Variants in FLT4 observed in about 807,000 individuals in gnomAD.
FLT4 encodes the protein vascular endothelial growth factor receptor 3.
A neutral mutation model predicts 163.2 loss-of-function variants in FLT4; 30 were observed. The observed-to-expected ratio is 0.18, with a 90% CI of 0.14 to 0.25. The LOEUF (loss-of-function observed/expected upper bound fraction) is 0.25. FLT4 is among the 10% of genes least tolerant of loss of function. The probability of loss-of-function intolerance (pLI) is 1.00; values close to 1 mark genes in which losing one functional copy is unlikely to be tolerated. For synonymous variants in FLT4, 884 were observed against 789.5 expected (o/e 1.12, Z -2.01); for missense variants, 1,510 against 1,863.8 (o/e 0.81, Z 3.50).
intron 8 of FLT4, among the ~76,000 whole-genome samples, chr5:180,626,669 G>T (rs1012212916): frequency 5.9e-5 from 9 of 152,228 alleles, no homozygotes; most frequent in Non-Finnish European, 1.3e-4. Context: ...CACACACCTG[G>T]TTCCTCCACC....
intron 1 of FLT4, among the ~76,000 whole-genome samples, chr5:180,647,371 C>T (rs1765538241): frequency 6.6e-6 from 1 of 152,126 alleles, no homozygotes; most frequent in African/African-American, 2.4e-5. Flanking sequence ...CATGGCTATG[C>T]TTGTGCCATG....
chr5:180,644,816 C>T (rs563676566), intron 1 of FLT4, among the ~76,000 whole-genome samples: 8 of 152,350 alleles, frequency 5.3e-5, no homozygotes, highest in South Asian at 2.1e-4. Flanking sequence ...AGAGTAGCTT[C>T]GAGGACAGTG....
At position 180,601,677 on chromosome 5, in the gene FLT4, T is replaced by A. The variant is rs56268625; in HGVS notation, c.*1515A>T. On this transcript the variant is annotated 3_prime_UTR_variant, in exon 30 of 30. Coordinates refer to ENST00000261937, the MANE Select transcript of FLT4 (RefSeq NM_182925.5). Reference sequence around the variant, plus strand: ...GGTGCGCGCCAGGAGCCAGGCTGGTTCTCTGCAGAGAACAACCTCCAGATC... The same window carrying A: ...GGTGCGCGCCAGGAGCCAGGCTGGTACTCTGCAGAGAACAACCTCCAGATC... The A allele has an allele frequency of 1.8e-4, 41 of 233,062 alleles. No homozygotes were observed. Among genetic ancestry groups the A allele is most frequent in the African/African-American group, 8.6e-4 (39 of 45,220 alleles). 14.4% of individuals were successfully genotyped at this position (233,062 alleles called of 1,614,324 possible).
Position 180,623,357 on chromosome 5 carries a change from T to C in FLT4, c.1549-518A>G, listed in dbSNP as rs1290459666. Among the ~76,000 whole-genome samples, 1 of 152,066 alleles carries C rather than the reference T, an allele frequency of 6.6e-6. No homozygotes were observed. The highest frequency in any genetic ancestry group is 1.5e-5 in the Non-Finnish European group (1 of 67,976). ...GGGTGGGGATGGCTCCCAGAAGGAC[T>C]GAGGCCTCAGGGAGTAGGAAGCCTG... On this transcript the variant is annotated intron_variant, in intron 11 of 29. Transcript: ENST00000261937. This position sits in a 1 kb window ranked among gnomAD's most constrained non-coding sequence, Gnocchi z 5.8.
intron 1 of FLT4, among the ~76,000 whole-genome samples, chr5:180,641,673 T>C (rs1441543226): frequency 6.6e-6 from 1 of 152,170 alleles, no homozygotes; most frequent in Non-Finnish European, 1.5e-5. Flanking sequence ...TGGTGGCCCC[T>C]GCTAACCTGG....
At chr5:180,627,449 T>C (rs553466973) in intron 8 of FLT4, among the ~76,000 whole-genome samples, 236 of 152,324 alleles carry the variant, frequency 1.5e-3, no homozygotes, top group African/African-American at 5.2e-3. Context: ...GGAGATGACA[T>C]GCACCTTGCA....
rs776578921 is a variant in FLT4 at position 180,618,858 on chromosome 5, C to A, written c.2913G>T (p.Arg971=). The change falls in exon 21 of 30, where the codon CGG becomes CGT. Residue 971 remains arginine (R), a synonymous_variant. Coordinates refer to ENST00000261937, the MANE Select transcript of FLT4 (RefSeq NM_182925.5). ...CCCTGTCGCTGCTCCCCGGCCGCCT[C>A]CGATCCAGCCTGGCGAGCTCCACCA... ...RAMVELARLD[R]RRPGSSDRVL... 6.3e-7 allele frequency: 1 copy of A among 1,582,418 alleles called. No homozygotes were observed.
intron 1 of FLT4, among the ~76,000 whole-genome samples, chr5:180,647,997 G>C (rs973363101): frequency 3.9e-5 from 6 of 152,230 alleles, no homozygotes; most frequent in Middle Eastern, 3.4e-3. Flanking sequence ...CCTCCTCCAG[G>C]GTTCCCCTCC....
intron 26 of FLT4, 111 bp downstream of exon 26, chr5:180,612,395 T>C (rs1016335840): frequency 2.5e-6 from 2 of 808,966 alleles, no homozygotes. Flanking sequence ...CACCCTAGCC[T>C]AGCAGCTGAG....
In FLT4 at chr5:180,626,028, G is replaced by T; in HGVS notation, c.1262C>A (p.Pro421His). ...NISLELVVNV[P>H]PQIHEKEASS... ...GGCCTCCTTCTCATGTATCTGGGGG[G>T]GCACTGTGGGCACACAGATGGCCGG... The change falls in exon 10 of 30, where the codon CCC becomes CAC. Residue 421 changes from proline (P) to histidine (H), a missense_variant. Transcript: ENST00000261937. The T allele has an allele frequency of 1.2e-6, 2 of 1,612,700 alleles. No individual in the cohort carries two copies. The highest frequency in any genetic ancestry group is 1.1e-5 in the South Asian group (1 of 91,082).
chr5:180,616,188 G>A (rs1232016263), intron 23 of FLT4, among the ~76,000 whole-genome samples, 179 bp downstream of exon 23: 1 of 152,192 alleles, frequency 6.6e-6, no homozygotes, highest in Non-Finnish European at 1.5e-5. Context: ...CTAAGGTGGG[G>A]GGTGGTCAGT....
rs1276436238 is a variant in FLT4, at chr5:180,630,700, C to T, written c.255G>A (p.Glu85=). The T allele has an allele frequency of 1.2e-6, 2 of 1,612,598 alleles. No homozygotes were observed. Among genetic ancestry groups the T allele is most frequent in the African/African-American group, 1.3e-5 (1 of 74,904 alleles). ...SEDTGVVRDC[E]GTDARPYCKV... is the part of the protein sequence containing the mutation. ...TGCAGTAGGGCCTGGCGTCTGTGCC[C>T]TCGCAGTCTCGCACCACCCCCGTGT... The change falls in exon 3 of 30, where the codon GAG becomes GAA. Residue 85 remains glutamate, a synonymous_variant. Coordinates refer to ENST00000261937, the MANE Select transcript of FLT4 (RefSeq NM_182925.5). The surrounding 1 kb of genome is among the most constrained non-coding windows in gnomAD (Gnocchi z 6.3).
At chr5:180,612,887 G>T (rs1262176945) in intron 25 of FLT4, 124 bp downstream of exon 25, 1 of 744,044 alleles carries the variant, frequency 1.3e-6, no homozygotes, top group African/African-American at 1.7e-5. Flanking sequence ...CGTGTATCTT[G>T]AGGGTGGTGC....
chr5:180,642,459 G>A (rs1033145983), intron 1 of FLT4, among the ~76,000 whole-genome samples: 1 of 152,148 alleles, frequency 6.6e-6, no homozygotes, highest in African/African-American at 2.4e-5. Flanking sequence ...GGGCCCTCAA[G>A]TAGATGGAGC....
intron 29 of FLT4, among the ~76,000 whole-genome samples, chr5:180,603,796 C>T (rs955195721): frequency 1.1e-4 from 17 of 152,006 alleles, no homozygotes; most frequent in Admixed American, 5.9e-4. Flanking sequence ...CCCAGCTACT[C>T]GGGAGGCTGA....
At position 180,601,945 on chromosome 5, in the gene FLT4, C is replaced by T. The variant is rs915834303; in HGVS notation, c.*1247G>A. ...AGGGTGGTGGTCAGTCTCCGTGGTC[C>T]TAACGTGGGGATGTGGCTCTTTCTC... On this transcript the variant is annotated 3_prime_UTR_variant, in exon 30 of 30. Coordinates refer to ENST00000261937, the MANE Select transcript of FLT4 (RefSeq NM_182925.5). 8.6e-6 allele frequency: 2 copies of T among 233,588 alleles called. No individual in the cohort carries two copies. Among genetic ancestry groups the T allele is most frequent in the African/African-American group, 2.2e-5 (1 of 45,344 alleles). The allele number at this position is 233,588 out of a possible 1,614,324, so 14.5% of individuals were successfully genotyped here.
rs770080486 is a variant in FLT4, at chr5:180,628,986, G to A, written c.999C>T (p.Ile333=). Residue 333 remains isoleucine (I), a synonymous_variant, in exon 8 of 30, where the codon ATC becomes ATT. Coordinates refer to ENST00000261937, the MANE Select transcript of FLT4 (RefSeq NM_182925.5). Reference sequence around the variant, plus strand: ...TGGGTCCTTTGAGCCACTCGACGCTGATGAAGGGATTTTCTGCCGGACAGG... The same window carrying A: ...TGGGTCCTTTGAGCCACTCGACGCTAATGAAGGGATTTTCTGCCGGACAGG... The part of the protein sequence containing the change: ...TEVIVHENPF[I]SVEWLKGPIL... The A allele has an allele frequency of 3.7e-6, 6 of 1,612,258 alleles. No individual in the cohort carries two copies. In the South Asian group the frequency reaches 4.4e-5, roughly 12 times the overall value.
chr5:180,627,006 C>G (rs1057335258), intron 8 of FLT4, among the ~76,000 whole-genome samples: 2 of 152,332 alleles, frequency 1.3e-5, no homozygotes, highest in African/African-American at 4.8e-5. Context: ...GGGAGCCCCA[C>G]GAGGGCAGTG....
chr5:180,624,111 G>A (rs1408090284), intron 10 of FLT4, 50 bp from the exon 11 acceptor site: 3 of 1,603,012 alleles, frequency 1.9e-6, no homozygotes, highest in Admixed American at 3.3e-5. Flanking sequence ...AGGCAGGAAG[G>A]GCCCACATGG....
Sources: allele counts gnomAD v4.1 joint callset (sites outside exome capture counted in the v4.1 genomes callset), GRCh38; gene constraint gnomAD v4.1.1; non-coding constraint Gnocchi (gnomAD v3.1); transcripts MANE v1.5; gene names NCBI Gene and HGNC (gene_info 2026-07-23, HGNC 2026-07-21).